NELFE: variants seen among roughly 807,000 people sequenced by gnomAD.
NELFE encodes the protein negative elongation factor complex member E.
NELFE carries 26 observed loss-of-function variants against 55.5 expected under a neutral mutation model. That is an observed-to-expected ratio of 0.47 (90% CI 0.34 to 0.65). The LOEUF is 0.65. Ranked by LOEUF, NELFE falls within the 30% of genes least tolerant of loss-of-function variation. The pLI is 0.01. For missense variants in NELFE, 403 were observed against 506.9 expected (o/e 0.80, Z 1.97); for synonymous variants, 162 against 178.0 (o/e 0.91, Z 0.72).
Position 31,952,425 on chromosome 6 carries a change from A to C in NELFE, c.1046-27T>G, listed in dbSNP as rs981396457. ...TAGGGAGGGAGGAGAGGAACAGTTAAGGTCTAAAGGAGATCATAGAACAGA... is the reference window on the plus strand; with the variant it reads ...TAGGGAGGGAGGAGAGGAACAGTTACGGTCTAAAGGAGATCATAGAACAGA... On this transcript the variant is annotated intron_variant, in intron 10 of 10. Transcript: ENST00000375429. 5 of 1,540,278 alleles carry C rather than the reference A, an allele frequency of 3.2e-6. No individual in the cohort carries two copies. The Admixed American group carries it at 6.8e-5, about 21-fold the overall frequency.
intron 1 of NELFE, 58 bp from the exon 2 acceptor site, chr6:31,958,512 A>C: frequency 7.1e-7 from 1 of 1,415,468 alleles, no homozygotes; most frequent in South Asian, 1.1e-5. Context: ...CGGGGTTCAC[A>C]CGCCGTCCAC....
Position 31,954,028 on chromosome 6 carries a change from A to T in NELFE, c.942+52T>A. 6.3e-7 allele frequency: 1 copy of T among 1,586,262 alleles called. No individual in the cohort carries two copies. Among genetic ancestry groups the T allele is most frequent in the Non-Finnish European group, 8.6e-7 (1 of 1,156,760 alleles). On this transcript the variant is annotated intron_variant, in intron 9 of 10. Coordinates refer to ENST00000375429, the MANE Select transcript of NELFE (RefSeq NM_002904.6). The surrounding 1 kb of genome is among the most constrained non-coding windows in gnomAD (Gnocchi z 5.5). The stretch of plus-strand genomic sequence containing the variant: ...CCTGGCATCTAGTATTTTGAGGAGA[A>T]CACATGAGAACAGCAGAAGCGATGG...
intron 10 of NELFE, 41 bp from the exon 11 acceptor site, chr6:31,952,439 T>A: frequency 6.8e-7 from 1 of 1,472,726 alleles, no homozygotes; most frequent in Non-Finnish European, 9.4e-7. Context: ...CTAAAGGAGA[T>A]CATAGAACAG....
chr6:31,954,630 C>T lies in NELFE; in HGVS notation c.667G>A (p.Asp223Asn), dbSNP rs1426135219. The change falls in exon 7 of 11, where the codon GAT (aspartate) becomes AAT (asparagine). Residue 223 changes from aspartate to asparagine, a missense_variant. By Grantham distance (23) the Asp-to-Asn change is conservative (BLOSUM62 1). This residue lies in a region of NELFE where 229 missense variants were observed against 228.3 expected (regional missense o/e 1.00). Transcript: ENST00000375429. This position sits in a 1 kb window ranked among gnomAD's most constrained non-coding sequence, Gnocchi z 5.5. Reference protein sequence around the residue: ...DRERDRDRDRDRDRDRERDRD... With the variant: ...DRERDRDRDRNRDRDRERDRD... ...TCCCGTTCCCGGTCTCGATCTCGAT[C>T]CCGATCCCGATCCCTGTCCCGCTCT... 8.2e-6 allele frequency: 13 copies of T among 1,587,106 alleles called. No individual in the cohort carries two copies. Among genetic ancestry groups the T allele is most frequent in the Non-Finnish European group, 1.1e-5 (13 of 1,165,118 alleles).
At position 31,954,955 on chromosome 6, in the gene NELFE, G is replaced by A. The variant is rs995788486; in HGVS notation, c.405-63C>T. 6.2e-7 allele frequency: 1 copy of A among 1,606,440 alleles called. No individual in the cohort carries two copies. Among genetic ancestry groups the A allele is most frequent in the Non-Finnish European group, 8.5e-7 (1 of 1,175,804 alleles). On this transcript the variant is annotated intron_variant, in intron 6 of 10. Coordinates refer to ENST00000375429, the MANE Select transcript of NELFE (RefSeq NM_002904.6). This position sits in a 1 kb window ranked among gnomAD's most constrained non-coding sequence, Gnocchi z 5.5. ...ACCTTCTCCCCTCAGACCCTGTGGA[G>A]ACTCAATATTCCCTCTATAGCCCAG...
intron 10 of NELFE, 51 bp from the exon 11 acceptor site, chr6:31,952,449 G>A (rs548880408): frequency 8.6e-6 from 12 of 1,392,248 alleles, no homozygotes; most frequent in Non-Finnish European, 1.2e-5. Context: ...TCATAGAACA[G>A]ACCCTGAGGC....
At chr6:31,955,028 A>C in intron 6 of NELFE, 31 bp downstream of exon 6, 2 of 1,613,340 alleles carry the variant, frequency 1.2e-6, no homozygotes, top group South Asian at 2.2e-5. Flanking sequence ...AACTCCACCA[A>C]ATGGGCCCAG....
chr6:31,958,165 G>A, intron 2 of NELFE: 1 of 606,090 alleles, frequency 1.6e-6, no homozygotes, highest in Non-Finnish European at 2.9e-6. Context: ...CCATGGGAAA[G>A]GAAGACAATC....
rs1771905608 is a variant in NELFE, at chr6:31,953,842, A to G, written c.943-11T>C. 6.2e-7 allele frequency: 1 copy of G among 1,608,690 alleles called. No homozygotes were observed. On this transcript the variant is annotated splice_polypyrimidine_tract_variant and intron_variant, in intron 9 of 10. Transcript: ENST00000375429. ...CTGGGTCCCGTTGAGCTGAAGCAGA[A>G]GAGGGGAGGCAGAGGATGGGGAGGA...
In NELFE at chr6:31,954,570, C is replaced by T; in HGVS notation, c.727G>A (p.Glu243Lys). 2 of 1,591,156 alleles carry T rather than the reference C, an allele frequency of 1.3e-6. No individual in the cohort carries two copies. Among genetic ancestry groups the T allele is most frequent in the Non-Finnish European group, 1.7e-6 (2 of 1,175,132 alleles). The stretch of plus-strand genomic sequence containing the variant: ...AATCACTCACTGCGGAAAGGACCCT[C>T]TCGGTCTCGGTCTCGATCCCGCTCC... ...DRERDRDRDR[E>K]GPFRRSDSFP... The change falls in exon 7 of 11, where the codon GAG becomes AAG. Residue 243 changes from glutamate to lysine, a missense_variant. By Grantham distance (56) the Glu-to-Lys change is moderately conservative (BLOSUM62 1). This residue lies in a region of NELFE where 229 missense variants were observed against 228.3 expected (regional missense o/e 1.00). Transcript: ENST00000375429. The surrounding 1 kb of genome is among the most constrained non-coding windows in gnomAD (Gnocchi z 5.5).
chr6:31,954,433 G>A lies in NELFE; in HGVS notation c.752C>T (p.Ser251Leu). The change falls in exon 8 of 11, where the codon TCA becomes TTA. Residue 251 changes from serine (S) to leucine (L), a missense_variant. Coordinates refer to ENST00000375429, the MANE Select transcript of NELFE (RefSeq NM_002904.6). The surrounding 1 kb of genome is among the most constrained non-coding windows in gnomAD (Gnocchi z 5.5). ...CCTAGGGGCTCGCCGTTCAGGGAAT[G>A]AATCCGACCCTTTGGGAGCACAAAT... is the stretch of plus-strand genomic sequence containing the variant. Reference protein sequence around the residue: ...DREGPFRRSDSFPERRAPRKG... With the variant: ...DREGPFRRSDLFPERRAPRKG... 1 of 1,600,984 alleles carries A rather than the reference G, an allele frequency of 6.2e-7. No individual in the cohort carries two copies. The highest frequency in any genetic ancestry group is 1.1e-5 in the South Asian group (1 of 89,510).
rs201327107 is a variant in NELFE at position 31,954,821 on chromosome 6, C to T, written c.476G>A (p.Gly159Asp). ...DGEEAEGPGA[G>D]DGPPRSFDWG... is the part of the protein sequence containing the mutation. Reference sequence around the variant, plus strand: ...GTCAAAGCTTCGAGGGGGACCATCACCAGCCCCTGGGCCCTCTGCCTCTTC... The same window carrying T: ...GTCAAAGCTTCGAGGGGGACCATCATCAGCCCCTGGGCCCTCTGCCTCTTC... Residue 159 changes from glycine to aspartate, a missense_variant, in exon 7 of 11, where the codon GGT (glycine) becomes GAT (aspartate). Physicochemically the swap from Gly to Asp is moderately conservative, Grantham distance 94 (BLOSUM62 -1). This residue lies in a region of NELFE where 229 missense variants were observed against 228.3 expected (regional missense o/e 1.00). Transcript: ENST00000375429. This position sits in a 1 kb window ranked among gnomAD's most constrained non-coding sequence, Gnocchi z 5.5. 23 of 1,598,202 alleles carry T rather than the reference C, an allele frequency of 1.4e-5. No homozygotes were observed. The Admixed American group carries it at 3.0e-4, about 21-fold the overall frequency.
intron 4 of NELFE, among the ~76,000 whole-genome samples, chr6:31,955,924 C>T (rs1039420099): frequency 1.3e-5 from 2 of 150,680 alleles, no homozygotes; most frequent in Non-Finnish European, 2.9e-5. Context: ...TGTGCACCAC[C>T]ACATTCTGCT....
In NELFE at chr6:31,954,931, C is replaced by T; in HGVS notation, c.405-39G>A. 6.3e-7 allele frequency: 1 copy of T among 1,586,398 alleles called. No individual in the cohort carries two copies. Among genetic ancestry groups the T allele is most frequent in the East Asian group, 2.2e-5 (1 of 44,582 alleles). ...GACTGAAGATCAAAGGGGGGTTTTA[C>T]CTTCTCCCCTCAGACCCTGTGGAGA... On this transcript the variant is annotated intron_variant, in intron 6 of 10. Coordinates refer to ENST00000375429, the MANE Select transcript of NELFE (RefSeq NM_002904.6). This position sits in a 1 kb window ranked among gnomAD's most constrained non-coding sequence, Gnocchi z 5.5.
At chr6:31,953,275 C>T (rs1360166487) in intron 10 of NELFE, among the ~76,000 whole-genome samples, 2 of 151,588 alleles carry the variant, frequency 1.3e-5, no homozygotes, top group African/African-American at 4.9e-5. Flanking sequence ...ACTCCTCAAA[C>T]TGAGTCCTGG....
intron 2 of NELFE, chr6:31,957,571 AGAG>A (rs761597085): frequency 1.1e-4 from 43 of 390,934 alleles, no homozygotes; most frequent in Admixed American, 5.5e-4. Context: ...CACAACACAG[AGAG>A]GAGAAGGGTA....
In NELFE at chr6:31,954,011, C is replaced by T; in HGVS notation, c.942+69G>A. The T allele has an allele frequency of 6.5e-7, 1 of 1,540,904 alleles. No individual in the cohort carries two copies. The highest frequency in any genetic ancestry group is 8.9e-7 in the Non-Finnish European group (1 of 1,117,710). ...AGAGGAACCAACTTCTTCCTGGCAT[C>T]TAGTATTTTGAGGAGAACACATGAG... On this transcript the variant is annotated intron_variant, in intron 9 of 10. Transcript: ENST00000375429. This position sits in a 1 kb window ranked among gnomAD's most constrained non-coding sequence, Gnocchi z 5.5.
chr6:31,952,128 CA>C lies in NELFE; in HGVS notation c.*172del. The C allele has an allele frequency of 3.9e-6, 6 of 1,535,512 alleles. No individual in the cohort carries two copies. Among genetic ancestry groups the C allele is most frequent in the Non-Finnish European group, 5.4e-6 (6 of 1,114,242 alleles). Reference sequence around the variant, plus strand: ...TTGGGGCAAGGGAGTGGGGAACAGGCACTGGCCATGTTGTTACACTGAGATC... The same window carrying C: ...TTGGGGCAAGGGAGTGGGGAACAGGCCTGGCCATGTTGTTACACTGAGATC... On this transcript the variant is annotated 3_prime_UTR_variant, in exon 11 of 11. Transcript: ENST00000375429.
At chr6:31,957,253 CAAAT>C (rs1733936183) in intron 2 of NELFE, 1 of 609,538 alleles carries the variant, frequency 1.6e-6, no homozygotes, top group Non-Finnish European at 2.9e-6. Flanking sequence ...AAGTTGAAGA[CAAAT>C]AACTCAATCA....
Sources: allele counts gnomAD v4.1 joint callset (sites outside exome capture counted in the v4.1 genomes callset), GRCh38; gene constraint gnomAD v4.1.1; regional missense constraint gnomAD v4.1.1; non-coding constraint Gnocchi (gnomAD v3.1); transcripts MANE v1.5; gene names NCBI Gene and HGNC (gene_info 2026-07-23, HGNC 2026-07-21).